WDR38: variants seen among roughly 807,000 people sequenced by gnomAD.
The protein encoded by WDR38 is WD repeat domain 38.
WDR38 carries 37 observed loss-of-function variants against 36.6 expected under a neutral mutation model. The observed-to-expected ratio is 1.01, with a 90% CI of 0.78 to 1.33. WDR38 has a LOEUF of 1.33. Among genes scored for constraint, WDR38 ranks in the 40% most tolerant of loss-of-function variants. The probability of loss-of-function intolerance (pLI) is 0.00; values close to 1 mark genes in which losing one functional copy is unlikely to be tolerated. For missense variants in WDR38, 411 were observed against 414.6 expected, an observed-to-expected ratio of 0.99 and a Z score of 0.07; for synonymous variants, 164 against 168.1, an observed-to-expected ratio of 0.98 and a Z score of 0.19.
chr9:124,855,620 G>C lies in WDR38; in HGVS notation c.191-14G>C. The C allele has an allele frequency of 1.2e-6, 2 of 1,605,514 alleles. No homozygotes were observed. The highest frequency in any genetic ancestry group is 1.7e-6 in the Non-Finnish European group (2 of 1,179,532). ...GGGCAGTGCTCTGTCCCCTGACTGT[G>C]GCCACCCGCCCAGGCCCCGTGAAGT... On this transcript the variant is annotated splice_polypyrimidine_tract_variant and intron_variant, in intron 2 of 8. Transcript: ENST00000373574.
chr9:124,853,614 G>T lies in WDR38; in HGVS notation c.69+14G>T. On this transcript the variant is annotated intron_variant, in intron 1 of 8. Transcript: ENST00000373574. The stretch of plus-strand genomic sequence containing the variant: ...CACGGCGGGGAGGTGAGGTCCAGCG[G>T]GCTCTGCCCAGACTCCCGGCTTTGG... The T allele has an allele frequency of 7.9e-7, 1 of 1,270,724 alleles. No individual in the cohort carries two copies. Among genetic ancestry groups the T allele is most frequent in the Non-Finnish European group, 1.0e-6 (1 of 1,000,682 alleles). The allele number at this position is 1,270,724 out of a possible 1,614,324, so 78.7% of individuals were successfully genotyped here. A position where few individuals can be genotyped will look rare whatever the true frequency, so the allele number is the denominator to read the frequency against.
chr9:124,854,089 G>T, intron 1 of WDR38, 116 bp from the exon 2 acceptor site: 1 of 1,514,242 alleles, frequency 6.6e-7, no homozygotes. Context: ...TGGTGGTGGA[G>T]TGAGGCTTGA....
At chr9:124,856,410 G>A (rs549235246) in intron 5 of WDR38, 59 bp from the exon 6 acceptor site, 32 of 1,612,008 alleles carry the variant, frequency 2.0e-5, no homozygotes, top group South Asian at 5.5e-5. Flanking sequence ...TCTGGGTCCC[G>A]CCTAGATGCA....
At chr9:124,853,827 G>A (rs1828972261) in intron 1 of WDR38, among the ~76,000 whole-genome samples, 1 of 152,196 alleles carries the variant, frequency 6.6e-6, no homozygotes, top group Non-Finnish European at 1.5e-5. Context: ...AAAGAGCCCC[G>A]GGCTCTGGGC....
In WDR38 at chr9:124,856,791, T is replaced by C; in HGVS notation, c.678T>C (p.Leu226=). 1 of 1,614,232 alleles carries C rather than the reference T, an allele frequency of 6.2e-7. No individual in the cohort carries two copies. The stretch of plus-strand genomic sequence containing the variant: ...GGAAGCCCACAACCAGCAGCCTGCT[T>C]ATCCAACTGAAGGGCCATGTCACCT... ...HIWKPTTSSL[L]IQLKGHVTWV... Residue 226 remains leucine, a synonymous_variant, in exon 7 of 9, where the codon CTT becomes CTC. Coordinates refer to ENST00000373574, the MANE Select transcript of WDR38 (RefSeq NM_001045476.3).
At chr9:124,855,350 G>A (rs1239932656) in intron 2 of WDR38, among the ~76,000 whole-genome samples, 1 of 152,222 alleles carries the variant, frequency 6.6e-6, no homozygotes, top group Non-Finnish European at 1.5e-5. Context: ...TCAGGGGCTG[G>A]AGCTCAAAGG....
rs758480236 is a variant in WDR38, at chr9:124,857,489, C to G, written c.817-13C>G. 1.9e-6 allele frequency: 3 copies of G among 1,614,168 alleles called. No individual in the cohort carries two copies. The highest frequency in any genetic ancestry group is 2.5e-6 in the Non-Finnish European group (3 of 1,180,018). On this transcript the variant is annotated splice_polypyrimidine_tract_variant and intron_variant, in intron 8 of 8. Transcript: ENST00000373574. ...CAGGACTTGCCTCGAGCCCCACCTT[C>G]TACTCTTAGCAGGGAGTCCTGGATG...
chr9:124,856,511 C>T lies in WDR38; in HGVS notation c.529C>T (p.Arg177Trp), dbSNP rs201803373. 5.0e-5 allele frequency: 81 copies of T among 1,612,348 alleles called. No individual in the cohort carries two copies. In the East Asian group the frequency reaches 1.1e-3, roughly 22 times the overall value. ...WDSTVHIWDL[R>W]MVTPAVSHQA... Reference sequence around the variant, plus strand: ...CTCCACCGTACACATCTGGGACCTGCGGATGGTGACCCCAGCAGTCTCCCA... The same window carrying T: ...CTCCACCGTACACATCTGGGACCTGTGGATGGTGACCCCAGCAGTCTCCCA... Residue 177 changes from arginine to tryptophan, a missense_variant, in exon 6 of 9, where the codon CGG becomes TGG. Arg to Trp is a moderately radical substitution (Grantham distance 101). Transcript: ENST00000373574.
intron 7 of WDR38, 131 bp from the exon 8 acceptor site, chr9:124,857,233 A>T: frequency 8.3e-7 from 1 of 1,202,252 alleles, no homozygotes; most frequent in Non-Finnish European, 1.2e-6. Flanking sequence ...AGGTGGAGGT[A>T]GGTGAATCAC....
intron 1 of WDR38, 144 bp from the exon 2 acceptor site, chr9:124,854,061 G>T: frequency 7.4e-7 from 1 of 1,342,926 alleles, no homozygotes; most frequent in Non-Finnish European, 1.0e-6. Context: ...GGCCCAGTGG[G>T]TCCCGGGTTC....
rs142660790 is a variant in WDR38, at chr9:124,857,447, G to C, written c.816+36G>C. 3.4e-4 allele frequency: 554 copies of C among 1,614,148 alleles called. 6 individuals carry two copies. In the East Asian group the frequency reaches 0.012, roughly 34 times the overall value. ...GCGCTGTGGCACTGAGGAAGCTGTG[G>C]ACAGCTTCTCCCAAGGCAGGACTTG... is the stretch of plus-strand genomic sequence containing the variant. On this transcript the variant is annotated intron_variant, in intron 8 of 8. Coordinates refer to ENST00000373574, the MANE Select transcript of WDR38 (RefSeq NM_001045476.3).
chr9:124,856,229 G>T lies in WDR38; in HGVS notation c.406-11G>T. 6.2e-7 allele frequency: 1 copy of T among 1,614,100 alleles called. No individual in the cohort carries two copies. Among genetic ancestry groups the T allele is most frequent in the South Asian group, 1.1e-5 (1 of 91,082 alleles). The stretch of plus-strand genomic sequence containing the variant: ...CCTCTGCTGCCTTCTGCAGCTCAGG[G>T]CTCTCTCTAGTCCGGCCAGATGCTG... On this transcript the variant is annotated splice_polypyrimidine_tract_variant and intron_variant, in intron 4 of 8. Transcript: ENST00000373574.
rs143539459 is a variant in WDR38 at position 124,855,903 on chromosome 9, C to A, written c.350C>A (p.Ser117Ter). The change falls in exon 4 of 9, where the codon TCG becomes TAG. Residue 117 changes from serine (S) to a stop codon, truncating the protein, a stop_gained. Coordinates refer to ENST00000373574, the MANE Select transcript of WDR38 (RefSeq NM_001045476.3). LOFTEE classifies it high-confidence loss of function. Reference protein sequence around the residue: ...SVETVSFSPDSRQLASGGWDK... With the variant: ...SVETVSFSPD Reference sequence around the variant, plus strand: ...GAGACGGTCAGCTTCAGCCCTGACTCGAGACAGCTGGCATCAGGTGGCTGG... The same window carrying A: ...GAGACGGTCAGCTTCAGCCCTGACTAGAGACAGCTGGCATCAGGTGGCTGG... 1 of 1,614,100 alleles carries A rather than the reference C, an allele frequency of 6.2e-7. No homozygotes were observed. The highest frequency in any genetic ancestry group is 1.3e-5 in the African/African-American group (1 of 75,030).
chr9:124,857,173 T>C (rs535121692), intron 7 of WDR38, among the ~76,000 whole-genome samples, 191 bp from the exon 8 acceptor site: 1 of 152,216 alleles, frequency 6.6e-6, no homozygotes, highest in South Asian at 2.1e-4. Flanking sequence ...GGTTCAGATG[T>C]TTTTTGGGCC....
chr9:124,856,945 A>T, intron 7 of WDR38, 64 bp downstream of exon 7: 1 of 1,603,046 alleles, frequency 6.2e-7, no homozygotes, highest in South Asian at 1.1e-5. Context: ...AGCCCTCAGC[A>T]CTCACTCCAG....
At position 124,857,818 on chromosome 9, in the gene WDR38, C is replaced by G; in HGVS notation, c.*188C>G. On this transcript the variant is annotated 3_prime_UTR_variant, in exon 9 of 9. Transcript: ENST00000373574. The stretch of plus-strand genomic sequence containing the variant: ...ACGCTTGCTGGAACCCATCAGACAC[C>G]TGGTCCCCAAAACCAGACCCACCCA... The G allele has an allele frequency of 6.5e-7, 1 of 1,545,460 alleles. No homozygotes were observed. Among genetic ancestry groups the G allele is most frequent in the Non-Finnish European group, 8.8e-7 (1 of 1,138,482 alleles).
chr9:124,856,994 C>A, intron 7 of WDR38, 113 bp downstream of exon 7: 2 of 1,480,634 alleles, frequency 1.4e-6, no homozygotes, highest in Non-Finnish European at 9.2e-7. Flanking sequence ...TAGGAGGGGG[C>A]AAGGGCAGGA....
rs1381400062 is a variant in WDR38, at chr9:124,857,671, T to G, written c.*41T>G. 1.2e-6 allele frequency: 2 copies of G among 1,610,968 alleles called. No individual in the cohort carries two copies. Among genetic ancestry groups the G allele is most frequent in the Non-Finnish European group, 1.7e-6 (2 of 1,179,660 alleles). On this transcript the variant is annotated 3_prime_UTR_variant, in exon 9 of 9. Transcript: ENST00000373574. Reference sequence around the variant, plus strand: ...ATGGTGCCGACCTCACCCGCTCCCCTCAGTGGCGCACAGGCATGCCGCTTC... The same window carrying G: ...ATGGTGCCGACCTCACCCGCTCCCCGCAGTGGCGCACAGGCATGCCGCTTC...
chr9:124,854,816 G>A (rs967435202), intron 2 of WDR38, among the ~76,000 whole-genome samples: 9 of 152,048 alleles, frequency 5.9e-5, no homozygotes, highest in South Asian at 2.1e-4. Flanking sequence ...CACCCACCTC[G>A]GCCTCCCAAA....
Sources: gnomAD v4.1 joint callset for allele counts (sites outside exome capture counted in the v4.1 genomes callset) on GRCh38, gnomAD v4.1.1 for gene constraint, MANE v1.5 for transcripts, NCBI Gene and HGNC (gene_info 2026-07-23, HGNC 2026-07-21) for gene names.